Variants in PAPSS1 observed in about 807,000 individuals in gnomAD.
PAPSS1 encodes bifunctional 3'-phosphoadenosine 5'-phosphosulfate synthase 1.
In PAPSS1, 50 loss-of-function variants were observed where a neutral mutation model predicts 72.0. The ratio of observed to expected loss-of-function variants is 0.69; its 90% CI spans 0.55 to 0.88. The LOEUF is 0.88. PAPSS1 is among the 40% of genes least tolerant of loss of function. PAPSS1 has a pLI of 0.00. For synonymous variants in PAPSS1, 261 were observed against 263.6 expected (o/e 0.99, Z 0.09); for missense variants, 657 against 782.2 (o/e 0.84, Z 1.91).
chr4:107,634,797 A>ATTT (rs3083966), intron 10 of PAPSS1, among the ~76,000 whole-genome samples: 28,721 of 115,754 alleles, frequency 0.25, 4,577 homozygotes, highest in Middle Eastern at 0.3. Flanking sequence ...TATTCTAGAC[A>ATTT]TTTTTTTTTT....
intron 2 of PAPSS1, among the ~76,000 whole-genome samples, chr4:107,696,098 T>C (rs1272792231): frequency 2.0e-5 from 3 of 152,106 alleles, no homozygotes; most frequent in Non-Finnish European, 4.4e-5. Context: ...TATGGAGAAA[T>C]AGGAACGCTT....
At chr4:107,717,215 C>T (rs1342081841) in intron 1 of PAPSS1, among the ~76,000 whole-genome samples, 1 of 151,812 alleles carries the variant, frequency 6.6e-6, no homozygotes, top group Admixed American at 6.6e-5. Flanking sequence ...AAATTTATTT[C>T]GCGGTTACTT....
chr4:107,693,540 T>C (rs979675970), intron 3 of PAPSS1, among the ~76,000 whole-genome samples: 5 of 152,230 alleles, frequency 3.3e-5, no homozygotes, highest in Admixed American at 1.3e-4. Context: ...TGTGTTATAC[T>C]TCACGGCTTT....
At chr4:107,664,482 G>A (rs1193029919) in intron 5 of PAPSS1, among the ~76,000 whole-genome samples, 1 of 152,134 alleles carries the variant, frequency 6.6e-6, no homozygotes, top group African/African-American at 2.4e-5. Context: ...CCACTGCAAT[G>A]CTCCAGGCAC....
At chr4:107,658,222 A>G (rs1459698863) in intron 6 of PAPSS1, among the ~76,000 whole-genome samples, 1 of 151,506 alleles carries the variant, frequency 6.6e-6, no homozygotes, top group Non-Finnish European at 1.5e-5. Context: ...AAAAGTGACC[A>G]TAAAGTACTG....
At chr4:107,719,653 G>T (rs914790426) in intron 1 of PAPSS1, among the ~76,000 whole-genome samples, 3 of 152,150 alleles carry the variant, frequency 2.0e-5, no homozygotes, top group Admixed American at 1.3e-4. Context: ...CCCAAACCTG[G>T]GCCAACCGCA....
intron 5 of PAPSS1, among the ~76,000 whole-genome samples, chr4:107,669,011 A>C (rs1727394809): frequency 6.6e-6 from 1 of 152,178 alleles, no homozygotes; most frequent in African/African-American, 2.4e-5. Flanking sequence ...TTAAAGCAAC[A>C]TGGTACTTGA....
intron 10 of PAPSS1, among the ~76,000 whole-genome samples, chr4:107,632,949 T>C (rs1327555769): frequency 6.6e-6 from 1 of 152,234 alleles, no homozygotes; most frequent in Non-Finnish European, 1.5e-5. Flanking sequence ...TACCAGGTAC[T>C]TATCTATTTA....
At chr4:107,637,220 A>C (rs977712486) in intron 10 of PAPSS1, among the ~76,000 whole-genome samples, 2 of 152,164 alleles carry the variant, frequency 1.3e-5, no homozygotes, top group African/African-American at 4.8e-5. Flanking sequence ...TGTTATTGAG[A>C]AGAGTTTCTT....
intron 5 of PAPSS1, among the ~76,000 whole-genome samples, chr4:107,680,730 G>C (rs757413140): frequency 1.3e-5 from 2 of 152,084 alleles, no homozygotes; most frequent in Non-Finnish European, 2.9e-5. Context: ...ATGGATGCTG[G>C]GACAGCTTTG....
intron 1 of PAPSS1, among the ~76,000 whole-genome samples, chr4:107,712,582 AAAG>A (rs1283802255): frequency 1.3e-5 from 2 of 152,342 alleles, no homozygotes; most frequent in African/African-American, 4.8e-5. Context: ...ACTGATGAAT[AAAG>A]AAGATGTGGC....
intron 1 of PAPSS1, among the ~76,000 whole-genome samples, chr4:107,713,983 G>T (rs1182631442): frequency 6.6e-6 from 1 of 151,916 alleles, no homozygotes; most frequent in Non-Finnish European, 1.5e-5. Context: ...TCACAGAAAC[G>T]ATTACCACCG....
At chr4:107,617,660 G>C (rs1725856865) in intron 11 of PAPSS1, among the ~76,000 whole-genome samples, 1 of 152,054 alleles carries the variant, frequency 6.6e-6, no homozygotes, top group African/African-American at 2.4e-5. Flanking sequence ...ATTCAACTCA[G>C]TATTTCAACT....
At chr4:107,616,745 C>T (rs1329988366) in intron 11 of PAPSS1, among the ~76,000 whole-genome samples, 1 of 152,016 alleles carries the variant, frequency 6.6e-6, no homozygotes. Context: ...AAGTGGGTGG[C>T]AGAGGGTCAT....
chr4:107,660,818 C>T (rs931269259), intron 5 of PAPSS1, among the ~76,000 whole-genome samples: 11 of 152,118 alleles, frequency 7.2e-5, no homozygotes, highest in Admixed American at 5.2e-4. Context: ...TGTCAGGTAA[C>T]CTCTACAACC....
At chr4:107,683,588 G>A (rs1259204547) in intron 4 of PAPSS1, among the ~76,000 whole-genome samples, 1 of 152,034 alleles carries the variant, frequency 6.6e-6, no homozygotes, top group African/African-American at 2.4e-5. Context: ...TAGAAGCCCT[G>A]GAGTTCTCCT....
intron 5 of PAPSS1, among the ~76,000 whole-genome samples, chr4:107,660,855 T>C (rs1038453480): frequency 6.6e-6 from 1 of 152,184 alleles, no homozygotes; most frequent in Non-Finnish European, 1.5e-5. Flanking sequence ...GATGGAGGGC[T>C]TTTCATACAT....
At chr4:107,657,743 T>C (rs1252380346) in intron 6 of PAPSS1, among the ~76,000 whole-genome samples, 5 of 130,534 alleles carry the variant, frequency 3.8e-5, no homozygotes, top group Non-Finnish European at 8.1e-5. Context: ...AGACCATGTC[T>C]CAAAAAAAAA....
Position 107,720,207 on chromosome 4 carries a change from G to GTTCTCTGCGCCGGGA in PAPSS1, c.-43_-29dup, listed in dbSNP as rs577715513. 11,157 of 1,593,290 alleles carry GTTCTCTGCGCCGGGA rather than the reference G, an allele frequency of 7.0e-3. 60 individuals are homozygous for GTTCTCTGCGCCGGGA. Among genetic ancestry groups the GTTCTCTGCGCCGGGA allele is most frequent in the Non-Finnish European group, 8.5e-3 (9,969 of 1,171,738 alleles). The stretch of plus-strand genomic sequence containing the variant: ...CCGCGGAGCGCGCTGAGCAGCCGGG[G>GTTCTCTGCGCCGGGA]TTCTCTGCGCCGGGAGGGTAGCAAG... On this transcript the variant is annotated 5_prime_UTR_variant, in exon 1 of 12. Coordinates refer to ENST00000265174, the MANE Select transcript of PAPSS1 (RefSeq NM_005443.5).
Sources: gnomAD v4.1 joint callset for allele counts (sites outside exome capture counted in the v4.1 genomes callset) on GRCh38, gnomAD v4.1.1 for gene constraint, MANE v1.5 for transcripts, NCBI Gene and HGNC (gene_info 2026-07-23, HGNC 2026-07-21) for gene names.